Variants in CCDC187 observed in about 807,000 individuals in gnomAD.
CCDC187 encodes coiled-coil domain-containing protein 187.
Under a neutral mutation model 38.0 loss-of-function variants are expected in CCDC187, and 32 were observed. The ratio of observed to expected loss-of-function variants is 0.84; its 90% CI spans 0.64 to 1.13. The LOEUF (loss-of-function observed/expected upper bound fraction) is 1.13, where lower values mean the gene tolerates loss of function less well. CCDC187 is among the 50% of genes most tolerant of loss of function. The pLI is 0.00. For synonymous variants in CCDC187, 333 were observed against 347.9 expected (o/e 0.96, Z 0.48); for missense variants, 707 against 786.8 (o/e 0.90, Z 1.21).
rs114883058 is a variant in CCDC187 at position 136,259,951 on chromosome 9, T to G, written c.4210+168A>C. Among the ~76,000 whole-genome samples, 484 of 152,220 alleles carry G rather than the reference T, an allele frequency of 3.2e-3. 4 individuals carry two copies. The highest frequency in any genetic ancestry group is 0.011 in the African/African-American group (455 of 41,528). The stretch of plus-strand genomic sequence containing the variant: ...GGCAAACCCACTGTGTGCTCTGCTG[T>G]GCTGAGATGCAGAAACAGGGAGGCC... On this transcript the variant is annotated intron_variant, in intron 20 of 25. Transcript: ENST00000638797.
In CCDC187 at chr9:136,260,222, G is replaced by A. The variant is rs933241595; in HGVS notation, c.4107C>T (p.Thr1369=). 1.0e-6 allele frequency: 1 copy of A among 985,348 alleles called. No individual in the cohort carries two copies. Among genetic ancestry groups the A allele is most frequent in the Non-Finnish European group, 1.2e-6 (1 of 830,086 alleles). 61.0% of individuals were successfully genotyped at this position (985,348 alleles called of 1,614,324 possible). Residue 1369 remains threonine, a synonymous_variant, in exon 20 of 26, where the codon ACC becomes ACT. Transcript: ENST00000638797. ...GCTGCTGGTGACCATCTGCATCGGA[G>A]GTTGTCTGGGGTGGCGTCACATCCT... ...EQQDVTPPQT[T]SDADGHQQPP...
upstream of CCDC187, among the ~76,000 whole-genome samples, chr9:136,305,857 G>C (rs1449825710): frequency 6.6e-6 from 1 of 152,218 alleles, no homozygotes; most frequent in South Asian, 2.1e-4. Flanking sequence ...CACCTGCCCT[G>C]GGGGACAGCG....
chr9:136,263,501 T>C (rs1830704706), intron 18 of CCDC187, 121 bp downstream of exon 18: 2 of 707,696 alleles, frequency 2.8e-6, no homozygotes, highest in Non-Finnish European at 3.5e-6. Flanking sequence ...CCCAAAGTGC[T>C]GGGATTACAG....
Position 136,257,603 on chromosome 9 carries a change from C to T in CCDC187, c.4367-762G>A, listed in dbSNP as rs1163570159. 4.6e-5 allele frequency among the ~76,000 whole-genome samples: 7 copies of T among 152,270 alleles called. No homozygotes were observed. In the South Asian group the frequency reaches 8.3e-4, roughly 18 times the overall value. ...GGGACAAAGGGACGGGTGGGGCCAC[C>T]GCAGAGCCCTCCCCAGGAGCACCAG... On this transcript the variant is annotated intron_variant, in intron 22 of 25. Coordinates refer to ENST00000638797, the MANE Select transcript of CCDC187 (RefSeq NM_001378188.1). The surrounding 1 kb of genome is among the most constrained non-coding windows in gnomAD (Gnocchi z 4.5).
rs1285947948 is a variant in CCDC187, at chr9:136,258,675, C to T, written c.4366+257G>A. The T allele has an allele frequency of 1.2e-5, 12 of 984,524 alleles. No homozygotes were observed. In the African/African-American group the frequency reaches 1.4e-4, roughly 11 times the overall value. The allele number at this position is 984,524 out of a possible 1,614,324, so 61.0% of individuals were successfully genotyped here. A position where few individuals can be genotyped will look rare whatever the true frequency, so the allele number is the denominator to read the frequency against. ...AATCTGCCCCAGATGAACGAAGTTGCGACTAAAACAATCCCAGCCAGTTAT... is the reference window on the plus strand; with the variant it reads ...AATCTGCCCCAGATGAACGAAGTTGTGACTAAAACAATCCCAGCCAGTTAT... On this transcript the variant is annotated intron_variant, in intron 22 of 25. Transcript: ENST00000638797. The surrounding 1 kb of genome is among the most constrained non-coding windows in gnomAD (Gnocchi z 4.3).
intron 18 of CCDC187, among the ~76,000 whole-genome samples, chr9:136,262,916 C>A (rs1394877680): frequency 1.3e-5 from 2 of 152,082 alleles, no homozygotes; most frequent in Non-Finnish European, 2.9e-5. Flanking sequence ...CACACAGCGT[C>A]CTCACTCCGT....
intron 3 of CCDC187, 23 bp from the exon 4 acceptor site, chr9:136,297,844 AG>A: frequency 6.5e-6 from 1 of 153,488 alleles, no homozygotes. Flanking sequence ...AGAGAAAGGA[AG>A]GGAGGGAGGG....
At position 136,267,385 on chromosome 9, in the gene CCDC187, C is replaced by G. The variant is rs1195315464; in HGVS notation, c.3646G>C (p.Gly1216Arg). 4.1e-6 allele frequency: 4 copies of G among 985,440 alleles called. No homozygotes were observed. The highest frequency in any genetic ancestry group is 4.8e-6 in the Non-Finnish European group (4 of 830,068). The allele number at this position is 985,440 out of a possible 1,614,324, so 61.0% of individuals were successfully genotyped here. Residue 1216 changes from glycine to arginine, a missense_variant and splice_region_variant, in exon 16 of 26, where the codon GGG becomes CGG. Gly to Arg is a moderately radical substitution (Grantham distance 125). Coordinates refer to ENST00000638797, the MANE Select transcript of CCDC187 (RefSeq NM_001378188.1). ...CCGGCGCCAGGCGCATGCGCTCACCCTCGTCGATGCTCCAGCCAGGCCAGC... is the reference window on the plus strand; with the variant it reads ...CCGGCGCCAGGCGCATGCGCTCACCGTCGTCGATGCTCCAGCCAGGCCAGC... ...AELAWLEHRR[G>R]CLDSKRDRAV...
chr9:136,304,694 G>A (rs1831771494), upstream of CCDC187, among the ~76,000 whole-genome samples: 1 of 152,284 alleles, frequency 6.6e-6, no homozygotes, highest in South Asian at 2.1e-4. Context: ...CACCCCCACT[G>A]GCAGTGCCAC....
chr9:136,254,377 G>C lies in CCDC187; in HGVS notation c.5451C>G (p.Thr1817=). 9 of 984,848 alleles carry C rather than the reference G, an allele frequency of 9.1e-6. No homozygotes were observed. Among genetic ancestry groups the C allele is most frequent in the Non-Finnish European group, 1.1e-5 (9 of 829,600 alleles). 61.0% of individuals were successfully genotyped at this position (984,848 alleles called of 1,614,324 possible). ...RSGEGREASG[T]SESLKGGVRS... ...TGACACCCCCTTTCAGGCTCTCGCT[G>C]GTCCCAGAAGCTTCCCGCCCCTCCC... The change falls in exon 26 of 26, where the codon ACC becomes ACG. Residue 1817 remains threonine (T), a synonymous_variant. Coordinates refer to ENST00000638797, the MANE Select transcript of CCDC187 (RefSeq NM_001378188.1).
At chr9:136,296,299 G>A (rs1831533548) in intron 4 of CCDC187, 1 of 152,256 alleles carries the variant, frequency 6.6e-6, no homozygotes, top group Non-Finnish European at 1.5e-5. Flanking sequence ...CCAATCTCAG[G>A]CGTTCACTCC....
intron 25 of CCDC187, among the ~76,000 whole-genome samples, 161 bp downstream of exon 25, chr9:136,255,496 C>A (rs782144038): frequency 6.6e-6 from 1 of 152,200 alleles, no homozygotes; most frequent in Non-Finnish European, 1.5e-5. Context: ...CCCTGGCAAC[C>A]CTGTGATGGG....
At chr9:136,275,474 G>A (rs1281643570) in intron 12 of CCDC187, among the ~76,000 whole-genome samples, 2 of 151,508 alleles carry the variant, frequency 1.3e-5, no homozygotes, top group Non-Finnish European at 3.0e-5. Context: ...ACACCCACAC[G>A]CGTGCACACA....
intron 7 of CCDC187, among the ~76,000 whole-genome samples, chr9:136,288,355 G>C (rs912279800): frequency 2.2e-4 from 34 of 152,146 alleles, no homozygotes; most frequent in Non-Finnish European, 1.5e-5. Flanking sequence ...GCAGAGAGGG[G>C]TGGGAGCTGA....
chr9:136,268,069 G>A lies in CCDC187; in HGVS notation c.3499C>T (p.Pro1167Ser). 1.0e-6 allele frequency: 1 copy of A among 985,554 alleles called. No individual in the cohort carries two copies. The highest frequency in any genetic ancestry group is 1.7e-5 in the African/African-American group (1 of 57,374). 61.1% of individuals were successfully genotyped at this position (985,554 alleles called of 1,614,324 possible). Residue 1167 changes from proline to serine, a missense_variant, in exon 15 of 26, where the codon CCG becomes TCG. Pro to Ser is a moderately conservative substitution (Grantham distance 74). Transcript: ENST00000638797. ...SQLPLAKFFP[P>S]DNPTHQMLER... ...CGTACCTGGTGGGTGGGGTTGTCCG[G>A]AGGGAAGAACTTGGCCAGGGGAAGC...
At chr9:136,286,828 C>T in intron 7 of CCDC187, 133 bp from the exon 8 acceptor site, 1 of 397,556 alleles carries the variant, frequency 2.5e-6, no homozygotes, top group Admixed American at 4.4e-5. Flanking sequence ...CCGCAGGGAC[C>T]AGGGAAGCGG....
rs891036088 is a variant in CCDC187, at chr9:136,279,981, A to G, written c.3040+1570T>C. 7.2e-5 allele frequency among the ~76,000 whole-genome samples: 11 copies of G among 152,314 alleles called. No homozygotes were observed. The South Asian group carries it at 1.9e-3, about 26-fold the overall frequency. ...TGCAGCAAGAAGGCCCTTGCCAGAC[A>G]CCGGCATCTTGTTCTTGGACTTCCC... On this transcript the variant is annotated intron_variant, in intron 10 of 25. Coordinates refer to ENST00000638797, the MANE Select transcript of CCDC187 (RefSeq NM_001378188.1).
At chr9:136,259,895 G>A (rs1830660611) in intron 20 of CCDC187, among the ~76,000 whole-genome samples, 1 of 152,218 alleles carries the variant, frequency 6.6e-6, no homozygotes, top group Non-Finnish European at 1.5e-5. Flanking sequence ...TGGGAATGCT[G>A]GCTGCCAGTG....
chr9:136,267,554 G>T, intron 15 of CCDC187, 43 bp from the exon 16 acceptor site: 1 of 985,558 alleles, frequency 1.0e-6, no homozygotes, highest in Non-Finnish European at 1.2e-6. Context: ...CTCTGGGTTC[G>T]GTGCTTCCGG....
Sources: allele counts gnomAD v4.1 joint callset (sites outside exome capture counted in the v4.1 genomes callset), GRCh38; gene constraint gnomAD v4.1.1; non-coding constraint Gnocchi (gnomAD v3.1); transcripts MANE v1.5; gene names NCBI Gene and HGNC (gene_info 2026-07-23, HGNC 2026-07-21).